ADAM12: variants seen among roughly 807,000 people sequenced by gnomAD.
The protein encoded by ADAM12 is ADAM metallopeptidase domain 12.
A neutral mutation model predicts 106.4 loss-of-function variants in ADAM12; 70 were observed. The ratio of observed to expected loss-of-function variants is 0.66; its 90% CI spans 0.54 to 0.80. The LOEUF (loss-of-function observed/expected upper bound fraction) is 0.80, where lower values mean the gene tolerates loss of function less well. Ranked by LOEUF, ADAM12 falls within the 30% of genes least tolerant of loss-of-function variation. ADAM12 has a pLI of 0.00. For missense variants in ADAM12, 1,010 were observed against 1,171.9 expected, an observed-to-expected ratio of 0.86 and a Z score of 2.02; for synonymous variants, 420 against 433.5, an observed-to-expected ratio of 0.97 and a Z score of 0.39.
intron 3 of ADAM12, among the ~76,000 whole-genome samples, chr10:126,159,136 C>G (rs565526825): frequency 2.0e-5 from 3 of 151,742 alleles, no homozygotes; most frequent in Non-Finnish European, 4.4e-5. Flanking sequence ...GGTGAAACCC[C>G]GTCTCTACTA....
chr10:126,120,991 A>C (rs1232989368), intron 5 of ADAM12, among the ~76,000 whole-genome samples: 1 of 133,870 alleles, frequency 7.5e-6, no homozygotes, highest in Non-Finnish European at 1.5e-5. Flanking sequence ...TATAGCATAT[A>C]TTATATATTA....
rs111970877 is a variant in ADAM12, at chr10:126,020,801, G to A, written c.2530-976C>T. Among the ~76,000 whole-genome samples, 757 of 152,018 alleles carry A rather than the reference G, an allele frequency of 5.0e-3. 7 individuals are homozygous for A. Among genetic ancestry groups the A allele is most frequent in the African/African-American group, 0.017 (691 of 41,482 alleles). On this transcript the variant is annotated intron_variant, in intron 21 of 22. Transcript: ENST00000448723. ...AGGTCAGGAGTTTGAGACCAGCCTGGCCAACATGGTGAAACTCCGTCTCTA... is the reference window on the plus strand; with the variant it reads ...AGGTCAGGAGTTTGAGACCAGCCTGACCAACATGGTGAAACTCCGTCTCTA...
chr10:126,339,904 G>C (rs1407334069), intron 1 of ADAM12, among the ~76,000 whole-genome samples: 2 of 145,218 alleles, frequency 1.4e-5, no homozygotes. Context: ...ACCCAGGCTG[G>C]AGTGCAGTGG....
In ADAM12 at chr10:126,013,378, G is replaced by C. The variant is rs1289084997; in HGVS notation, c.*3901C>G. ...GTTTAAAAGCAGTAGATGTCAATAG[G>C]AACTTTAAGGTGAGTCAAGAGAATT... On this transcript the variant is annotated 3_prime_UTR_variant, in exon 23 of 23. Transcript: ENST00000448723. This position sits in a 1 kb window ranked among gnomAD's most constrained non-coding sequence, Gnocchi z 4.3. 6.6e-6 allele frequency: 1 copy of C among 152,184 alleles called. No homozygotes were observed. The highest frequency in any genetic ancestry group is 1.9e-4 in the East Asian group (1 of 5,194). The allele number at this position is 152,184 out of a possible 1,614,324, so 9.4% of individuals were successfully genotyped here.
chr10:126,105,447 A>T (rs1955747485), intron 8 of ADAM12, among the ~76,000 whole-genome samples: 1 of 152,150 alleles, frequency 6.6e-6, no homozygotes, highest in African/African-American at 2.4e-5. Flanking sequence ...CCGTTGGGGC[A>T]ATGGTCCAAC....
chr10:126,342,876 A>G (rs1854982688), intron 1 of ADAM12, among the ~76,000 whole-genome samples: 1 of 151,306 alleles, frequency 6.6e-6, no homozygotes, highest in Non-Finnish European at 1.5e-5. Flanking sequence ...AGCACCATAA[A>G]TCAACAAGGT....
intron 14 of ADAM12, among the ~76,000 whole-genome samples, chr10:126,061,703 G>A (rs1954759138): frequency 6.6e-6 from 1 of 152,156 alleles, no homozygotes; most frequent in Admixed American, 6.5e-5. Context: ...CCTCGAAGAT[G>A]GAGGAAGGGG....
intron 2 of ADAM12, among the ~76,000 whole-genome samples, chr10:126,315,855 C>T (rs1853843514): frequency 6.6e-6 from 1 of 152,222 alleles, no homozygotes; most frequent in Admixed American, 6.5e-5. Flanking sequence ...TCTTTATAAG[C>T]AAAGACACAG....
At chr10:126,039,750 G>A (rs1954127202) in intron 18 of ADAM12, among the ~76,000 whole-genome samples, 1 of 152,356 alleles carries the variant, frequency 6.6e-6, no homozygotes, top group Admixed American at 6.5e-5. Flanking sequence ...ACAGAAGGTA[G>A]CAGGGAGCCA....
chr10:126,290,621 C>T (rs1449584819), intron 2 of ADAM12, among the ~76,000 whole-genome samples: 5 of 152,172 alleles, frequency 3.3e-5, no homozygotes, highest in African/African-American at 4.8e-5. Context: ...CACTTATTAT[C>T]GATTGCTAAT....
chr10:126,319,052 T>C (rs968267013), intron 2 of ADAM12, among the ~76,000 whole-genome samples: 1 of 152,192 alleles, frequency 6.6e-6, no homozygotes, highest in Non-Finnish European at 1.5e-5. Flanking sequence ...TGGGGGATTG[T>C]GGGAATTACA....
chr10:126,039,548 C>G, intron 18 of ADAM12, 119 bp from the exon 19 acceptor site: 1 of 1,203,480 alleles, frequency 8.3e-7, no homozygotes, highest in South Asian at 1.4e-5. Flanking sequence ...AGAGAGTACA[C>G]CCGTGAGTGA....
At chr10:126,356,530 G>A (rs1397419784) in intron 1 of ADAM12, among the ~76,000 whole-genome samples, 6 of 152,184 alleles carry the variant, frequency 3.9e-5, no homozygotes, top group Non-Finnish European at 7.3e-5. Context: ...ACATCCAGAA[G>A]AGGTGACTGT....
intron 2 of ADAM12, among the ~76,000 whole-genome samples, chr10:126,321,310 T>C (rs1854087119): frequency 6.6e-6 from 1 of 152,206 alleles, no homozygotes; most frequent in African/African-American, 2.4e-5. Flanking sequence ...GATTTTTTTT[T>C]CAAAAGGACC....
intron 1 of ADAM12, among the ~76,000 whole-genome samples, chr10:126,378,732 C>T (rs1162750911): frequency 6.6e-6 from 1 of 152,114 alleles, no homozygotes; most frequent in Non-Finnish European, 1.5e-5. Context: ...TTCTGAAGTA[C>T]ATATAGTAGA....
At position 126,245,419 on chromosome 10, in the gene ADAM12, C is replaced by T. The variant is rs112297686; in HGVS notation, c.260+33496G>A. ...GAATGCGCACAATTGGGAACTGCAG[C>T]CCACTATGGAGGCATGGGGGACACC... On this transcript the variant is annotated intron_variant, in intron 3 of 22. Coordinates refer to ENST00000448723, the MANE Select transcript of ADAM12 (RefSeq NM_001288973.2). Among the ~76,000 whole-genome samples, 454 of 152,266 alleles carry T rather than the reference C, an allele frequency of 3.0e-3. 3 individuals are homozygous for T. Among genetic ancestry groups the T allele is most frequent in the African/African-American group, 0.011 (438 of 41,564 alleles).
intron 5 of ADAM12, among the ~76,000 whole-genome samples, chr10:126,134,016 A>T (rs1446866791): frequency 6.6e-6 from 1 of 152,230 alleles, no homozygotes; most frequent in Non-Finnish European, 1.5e-5. Flanking sequence ...GAAGTGCTCC[A>T]GGAAGAATGC....
chr10:126,282,856 A>C (rs1565189417), intron 2 of ADAM12, among the ~76,000 whole-genome samples: 1 of 152,042 alleles, frequency 6.6e-6, no homozygotes, highest in Non-Finnish European at 1.5e-5. Context: ...CAATTTTTCC[A>C]TGGAACTGGG....
Position 126,330,455 on chromosome 10 carries a change from C to T in ADAM12, c.143G>A (p.Gly48Glu), listed in dbSNP as rs760372130. Reference sequence around the variant, plus strand: ...CACTGGGATCCAGAGGTCCCCACTCCCAACAGAGGCACTGACAACTTCATC... The same window carrying T: ...CACTGGGATCCAGAGGTCCCCACTCTCAACAGAGGCACTGACAACTTCATC... ...RADEVVSASV[G>E]SGDLWIPVKS... is the part of the protein sequence containing the mutation. The change falls in exon 2 of 23, where the codon GGG becomes GAG. Residue 48 changes from glycine to glutamate, a missense_variant. Gly to Glu is a moderately conservative substitution (Grantham distance 98, BLOSUM62 -2). Around this residue, in one of 3 missense-constraint regions of ADAM12, gnomAD observed 391 missense variants for 442.9 expected, o/e 0.88. Coordinates refer to ENST00000448723, the MANE Select transcript of ADAM12 (RefSeq NM_001288973.2). 12 of 1,613,856 alleles carry T rather than the reference C, an allele frequency of 7.4e-6. No homozygotes were observed. The highest frequency in any genetic ancestry group is 2.7e-5 in the African/African-American group (2 of 74,928).
Sources: gnomAD v4.1 joint callset for allele counts (sites outside exome capture counted in the v4.1 genomes callset) on GRCh38, gnomAD v4.1.1 for gene constraint, gnomAD v4.1.1 regional missense constraint, Gnocchi (gnomAD v3.1) non-coding constraint, MANE v1.5 for transcripts, NCBI Gene and HGNC (gene_info 2026-07-23, HGNC 2026-07-21) for gene names.